The following ANKS1B variants were observed in gnomAD, a reference collection of about 807,000 sequenced individuals.
The protein encoded by ANKS1B is ankyrin repeat and sterile alpha motif domain-containing protein 1B.
ANKS1B carries 36 observed loss-of-function variants against 148.3 expected under a neutral mutation model. The ratio of observed to expected loss-of-function variants is 0.24; its 90% confidence interval spans 0.19 to 0.32. The LOEUF is 0.32. Ranked by LOEUF, ANKS1B falls within the 10% of genes least tolerant of loss-of-function variation. The pLI is 1.00. For synonymous variants in ANKS1B, 542 were observed against 560.8 expected (o/e 0.97, Z 0.47); for missense variants, 1,157 against 1,542.6 (o/e 0.75, Z 4.19).
At chr12:98,844,267 T>C (rs2099430053) in intron 17 of ANKS1B, among the ~76,000 whole-genome samples, 1 of 152,198 alleles carries the variant, frequency 6.6e-6, no homozygotes. Flanking sequence ...GTGTAATTGT[T>C]AGGATTAAAT....
intron 2 of ANKS1B, among the ~76,000 whole-genome samples, chr12:99,821,418 T>A (rs901126020): frequency 2.6e-5 from 4 of 151,760 alleles, no homozygotes; most frequent in Non-Finnish European, 4.4e-5. Context: ...TTTGTGAGAA[T>A]CTTAATGATT....
At chr12:98,950,396 C>T (rs911361455) in intron 17 of ANKS1B, among the ~76,000 whole-genome samples, 7 of 152,104 alleles carry the variant, frequency 4.6e-5, no homozygotes, top group Non-Finnish European at 7.4e-5. Flanking sequence ...ACTTAGGAGG[C>T]TGAGGCAGGA....
At chr12:99,846,311 G>A (rs116437098) in intron 1 of ANKS1B, among the ~76,000 whole-genome samples, 1,677 of 151,550 alleles carry the variant, frequency 0.011, 39 homozygotes, top group African/African-American at 0.038. Context: ...TTGATCAAGC[G>A]TTCTTCATTT....
At chr12:99,509,266 A>T (rs1029242318) in intron 9 of ANKS1B, among the ~76,000 whole-genome samples, 2 of 151,870 alleles carry the variant, frequency 1.3e-5, no homozygotes, top group Non-Finnish European at 2.9e-5. Context: ...ATTCAAGAAG[A>T]GTCACATGTC....
intron 17 of ANKS1B, among the ~76,000 whole-genome samples, chr12:98,932,931 A>G (rs1156982297): frequency 6.6e-6 from 1 of 152,170 alleles, no homozygotes; most frequent in Non-Finnish European, 1.5e-5. Flanking sequence ...AATTATTTGT[A>G]TAAACACCTG....
At chr12:99,795,723 C>T (rs2066167954) in intron 4 of ANKS1B, among the ~76,000 whole-genome samples, 1 of 151,936 alleles carries the variant, frequency 6.6e-6, no homozygotes. Flanking sequence ...ATTCCAAGCA[C>T]CCCAGTGGAT....
intron 1 of ANKS1B, among the ~76,000 whole-genome samples, chr12:99,932,798 T>G (rs1350053586): frequency 3.9e-5 from 6 of 152,170 alleles, no homozygotes; most frequent in Admixed American, 6.5e-5. Flanking sequence ...CATGTTTGCT[T>G]TGGTTGCCTG....
intron 1 of ANKS1B, among the ~76,000 whole-genome samples, chr12:99,882,171 A>C (rs967930688): frequency 6.6e-6 from 1 of 152,244 alleles, no homozygotes; most frequent in African/African-American, 2.4e-5. Context: ...TAAAAATGAC[A>C]AAGTATCAAT....
intron 17 of ANKS1B, among the ~76,000 whole-genome samples, chr12:98,982,761 G>A (rs2099913353): frequency 6.6e-6 from 1 of 152,008 alleles, no homozygotes; most frequent in Non-Finnish European, 1.5e-5. Flanking sequence ...ATCACTGTAT[G>A]GAATTCTATT....
At chr12:99,305,492 T>C (rs2082215753) in intron 12 of ANKS1B, among the ~76,000 whole-genome samples, 2 of 152,064 alleles carry the variant, frequency 1.3e-5, no homozygotes, top group Admixed American at 6.6e-5. Context: ...TAGAGGATTG[T>C]GGGAATATTT....
chr12:99,437,057 C>T (rs992055255), intron 11 of ANKS1B, among the ~76,000 whole-genome samples: 2 of 151,890 alleles, frequency 1.3e-5, no homozygotes, highest in South Asian at 2.1e-4. Context: ...ATGTCTTTTC[C>T]GGCTGCTATT....
chr12:99,276,997 C>A (rs1566791933), intron 12 of ANKS1B, among the ~76,000 whole-genome samples: 1 of 152,138 alleles, frequency 6.6e-6, no homozygotes, highest in Non-Finnish European at 1.5e-5. Flanking sequence ...TCTACATTCC[C>A]CTTTCTTGCC....
rs996337129 is a variant in ANKS1B, at chr12:99,810,801, A to G, written c.372+1354T>C. Among the ~76,000 whole-genome samples the G allele has an allele frequency of 9.2e-5, 14 of 152,084 alleles. 1 individual carries two copies. Among genetic ancestry groups the G allele is most frequent in the African/African-American group, 3.1e-4 (13 of 41,548 alleles). ...AAAAACATCTTGTTTGTAAAAACTA[A>G]CATCCTCTTGTTTAACCTTGGATTG... is the stretch of plus-strand genomic sequence containing the variant. On this transcript the variant is annotated intron_variant, in intron 3 of 26. Coordinates refer to ENST00000683438, the MANE Select transcript of ANKS1B (RefSeq NM_001352186.2).
intron 1 of ANKS1B, among the ~76,000 whole-genome samples, chr12:99,830,684 G>A (rs1453141419): frequency 6.7e-6 from 1 of 149,010 alleles, no homozygotes; most frequent in Non-Finnish European, 1.5e-5. Flanking sequence ...ATAGTCCCGA[G>A]AAATATGTTT....
chr12:99,732,285 G>A lies in ANKS1B; in HGVS notation c.1128+40637C>T, dbSNP rs1441165344. ...AAACACAGACATAACATACAGTGCAGTAATCCCACTCTTACATGTTTACCC... is the reference window on the plus strand; with the variant it reads ...AAACACAGACATAACATACAGTGCAATAATCCCACTCTTACATGTTTACCC... On this transcript the variant is annotated intron_variant, in intron 8 of 26. Transcript: ENST00000683438. Among the ~76,000 whole-genome samples the A allele has an allele frequency of 3.9e-5, 6 of 152,114 alleles. No homozygotes were observed. The East Asian group carries it at 1.2e-3, about 29-fold the overall frequency.
intron 8 of ANKS1B, among the ~76,000 whole-genome samples, chr12:99,660,904 G>A (rs950856478): frequency 6.6e-6 from 1 of 152,088 alleles, no homozygotes; most frequent in African/African-American, 2.4e-5. Flanking sequence ...CAGCTGAACA[G>A]GAAGGCCTCC....
intron 9 of ANKS1B, among the ~76,000 whole-genome samples, chr12:99,583,007 C>G (rs1240696238): frequency 6.6e-6 from 1 of 152,074 alleles, no homozygotes; most frequent in Non-Finnish European, 1.5e-5. Flanking sequence ...TGTAGGAACA[C>G]CTCTAAATCT....
chr12:99,861,105 A>G (rs1252088401), intron 1 of ANKS1B, among the ~76,000 whole-genome samples: 1 of 152,210 alleles, frequency 6.6e-6, no homozygotes, highest in Non-Finnish European at 1.5e-5. Flanking sequence ...GCCTAGCTAA[A>G]ATAAATCAGG....
At chr12:99,594,013 A>T (rs2097731157) in intron 9 of ANKS1B, among the ~76,000 whole-genome samples, 1 of 152,040 alleles carries the variant, frequency 6.6e-6, no homozygotes, top group Non-Finnish European at 1.5e-5. Flanking sequence ...TAGATGCTAG[A>T]ATCCATGATC....
Sources: allele counts gnomAD v4.1 joint callset (sites outside exome capture counted in the v4.1 genomes callset), GRCh38; gene constraint gnomAD v4.1.1; transcripts MANE v1.5; gene names NCBI Gene and HGNC (gene_info 2026-07-23, HGNC 2026-07-21).